BNC2: variants seen among roughly 807,000 people sequenced by gnomAD.
The protein encoded by BNC2 is basonuclin zinc finger protein 2.
In BNC2, 20 loss-of-function variants were observed where a neutral mutation model predicts 76.3. The ratio of observed to expected loss-of-function variants is 0.26; its 90% CI spans 0.18 to 0.38. BNC2 has a LOEUF of 0.38. BNC2 is among the 10% of genes least tolerant of loss of function. The pLI is 1.00. For missense variants in BNC2, 1,382 were observed against 1,399.8 expected, an observed-to-expected ratio of 0.99 and a Z score of 0.20; for synonymous variants, 582 against 514.8, an observed-to-expected ratio of 1.13 and a Z score of -1.77.
intron 1 of BNC2, among the ~76,000 whole-genome samples, chr9:16,850,237 G>A (rs1014088644): frequency 2.6e-5 from 4 of 152,044 alleles, no homozygotes; most frequent in Admixed American, 6.6e-5. Context: ...AATTTATCAG[G>A]CACTTAAAAC....
At chr9:16,434,631 T>A (rs1820967384) in intron 6 of BNC2, among the ~76,000 whole-genome samples, 1 of 152,222 alleles carries the variant, frequency 6.6e-6, no homozygotes, top group East Asian at 1.9e-4. Context: ...ATCCTGCCAC[T>A]GACCACCTTG....
In BNC2 at chr9:16,865,035, G is replaced by GAA. The variant is rs5896712; in HGVS notation, c.3+5609_3+5610dup. On this transcript the variant is annotated intron_variant, in intron 1 of 6. Transcript: ENST00000380672. The stretch of plus-strand genomic sequence containing the variant: ...CTGGGTACACGTCTGGCTTTGGACT[G>GAA]AAAAAAAAAAAAAAAAAGACACTGA... Among the ~76,000 whole-genome samples the GAA allele has an allele frequency of 2.1e-3, 279 of 131,064 alleles. 4 individuals carry two copies. In the East Asian group the frequency reaches 0.031, roughly 15 times the overall value. 86.0% of individuals were successfully genotyped at this position (131,064 alleles called of 152,430 possible).
intron 6 of BNC2, among the ~76,000 whole-genome samples, chr9:16,433,288 T>C (rs1261604917): frequency 1.3e-5 from 2 of 152,248 alleles, no homozygotes; most frequent in Non-Finnish European, 1.5e-5. Flanking sequence ...AAAAAGTTTT[T>C]ATTCTACAAT....
chr9:16,513,935 T>C (rs1408068403), intron 5 of BNC2, among the ~76,000 whole-genome samples: 2 of 152,148 alleles, frequency 1.3e-5, no homozygotes, highest in Non-Finnish European at 1.5e-5. Flanking sequence ...TTATGCCCTA[T>C]GAGATTAAAT....
intron 5 of BNC2, among the ~76,000 whole-genome samples, chr9:16,465,686 A>G (rs1418288792): frequency 6.6e-6 from 1 of 152,148 alleles, no homozygotes; most frequent in Non-Finnish European, 1.5e-5. Context: ...TTATAACAAG[A>G]TAAGGAAAAA....
intron 5 of BNC2, among the ~76,000 whole-genome samples, chr9:16,489,125 A>G (rs1822222421): frequency 6.6e-6 from 1 of 152,232 alleles, no homozygotes; most frequent in Non-Finnish European, 1.5e-5. Flanking sequence ...AACTTTTAAT[A>G]ATGTGTCTTA....
intron 5 of BNC2, among the ~76,000 whole-genome samples, chr9:16,482,420 A>C (rs1443554648): frequency 6.6e-6 from 1 of 152,140 alleles, no homozygotes; most frequent in Non-Finnish European, 1.5e-5. Context: ...AAAAAATGCT[A>C]TAAATAGTCA....
intron 5 of BNC2, among the ~76,000 whole-genome samples, chr9:16,452,661 C>G (rs2382807): frequency 6.6e-6 from 1 of 152,048 alleles, no homozygotes; most frequent in African/African-American, 2.4e-5. Flanking sequence ...CCACCCGCCT[C>G]GGCCTCCCAA....
At chr9:16,507,723 G>A (rs890427944) in intron 5 of BNC2, among the ~76,000 whole-genome samples, 2 of 152,076 alleles carry the variant, frequency 1.3e-5, no homozygotes, top group Admixed American at 6.6e-5. Context: ...CACCGCGCCT[G>A]GCCTATTTCC....
chr9:16,776,849 G>C (rs1409507042), intron 1 of BNC2, among the ~76,000 whole-genome samples: 1 of 152,222 alleles, frequency 6.6e-6, no homozygotes, highest in Non-Finnish European at 1.5e-5. Flanking sequence ...GTGGCAGCCA[G>C]GCGTGGTGGC....
chr9:16,614,331 C>T (rs899099972), intron 3 of BNC2, among the ~76,000 whole-genome samples: 1 of 152,014 alleles, frequency 6.6e-6, no homozygotes, highest in Admixed American at 6.5e-5. Context: ...TCACAGCCTC[C>T]AAAATCCAAG....
chr9:16,554,582 G>A (rs1361728738), intron 4 of BNC2, among the ~76,000 whole-genome samples: 1 of 152,152 alleles, frequency 6.6e-6, no homozygotes, highest in Non-Finnish European at 1.5e-5. Context: ...GGCTTCACAA[G>A]CCTAGGGATT....
Position 16,437,342 on chromosome 9 carries a change from AG to A in BNC2, c.851del (p.Thr284IlefsTer18). 6.2e-7 allele frequency: 1 copy of A among 1,614,168 alleles called. No homozygotes were observed. Among genetic ancestry groups the A allele is most frequent in the Non-Finnish European group, 8.5e-7 (1 of 1,180,012 alleles). On this transcript the variant is annotated frameshift_variant, in exon 6 of 7. Coordinates refer to ENST00000380672, the MANE Select transcript of BNC2 (RefSeq NM_017637.6). LOFTEE classifies it high-confidence loss of function. ...PSSKTDSDIR[T>X]FIESNNRTRS... is the part of the protein sequence containing the mutation. ...TGGTGCGATTATTGCTCTCAATGAAAGTCCTTATATCTGAGTCTGTCTTTGA... is the reference window on the plus strand; with the variant it reads ...TGGTGCGATTATTGCTCTCAATGAAATCCTTATATCTGAGTCTGTCTTTGA...
intron 1 of BNC2, among the ~76,000 whole-genome samples, chr9:16,780,011 C>T (rs1051973736): frequency 9.9e-5 from 15 of 150,972 alleles, no homozygotes; most frequent in East Asian, 7.8e-4. Flanking sequence ...CCGAGGCGGG[C>T]GGATCACAAG....
At chr9:16,692,196 T>C (rs999898072) in intron 3 of BNC2, among the ~76,000 whole-genome samples, 5 of 152,214 alleles carry the variant, frequency 3.3e-5, no homozygotes, top group African/African-American at 1.2e-4. Flanking sequence ...TTTTGGAAAT[T>C]GAACACCACA....
chr9:16,496,930 T>C (rs1028052365), intron 5 of BNC2, among the ~76,000 whole-genome samples: 2 of 152,248 alleles, frequency 1.3e-5, no homozygotes, highest in Non-Finnish European at 2.9e-5. Flanking sequence ...TTTGGTTCCA[T>C]CATCACATCA....
At chr9:16,624,735 T>C (rs112939130) in intron 3 of BNC2, among the ~76,000 whole-genome samples, 1,700 of 152,348 alleles carry the variant, frequency 0.011, 20 homozygotes, top group Non-Finnish European at 0.015. Flanking sequence ...ATGGAAGTCA[T>C]GTTTTTAAAA....
At chr9:16,506,959 T>G (rs1822642257) in intron 5 of BNC2, among the ~76,000 whole-genome samples, 1 of 152,028 alleles carries the variant, frequency 6.6e-6, no homozygotes, top group Non-Finnish European at 1.5e-5. Context: ...CACACCACAT[T>G]GACCAGGCTG....
chr9:16,690,050 C>G (rs541185845), intron 3 of BNC2, among the ~76,000 whole-genome samples: 1 of 152,304 alleles, frequency 6.6e-6, no homozygotes, highest in African/African-American at 2.4e-5. Context: ...CTCCATTTTT[C>G]AGCCTACAAT....
Sources: allele counts gnomAD v4.1 joint callset (sites outside exome capture counted in the v4.1 genomes callset), GRCh38; gene constraint gnomAD v4.1.1; transcripts MANE v1.5; gene names NCBI Gene and HGNC (gene_info 2026-07-23, HGNC 2026-07-21).